Variants in SPOCK3 observed in about 807,000 individuals in gnomAD.
SPOCK3 encodes SPARC (osteonectin), cwcv and kazal like domains proteoglycan 3, also known as testican-3.
SPOCK3 carries 30 observed loss-of-function variants against 56.6 expected under a neutral mutation model. The observed-to-expected ratio is 0.53, with a 90% CI of 0.40 to 0.72. The LOEUF is 0.72. SPOCK3 is among the 30% of genes least tolerant of loss of function. The probability of loss-of-function intolerance (pLI) is 0.00; values close to 1 mark genes in which losing one functional copy is unlikely to be tolerated. For synonymous variants in SPOCK3, 196 were observed against 183.3 expected (o/e 1.07, Z -0.56); for missense variants, 527 against 530.0 (o/e 0.99, Z 0.06).
chr4:166,831,758 GT>G (rs1469505797), intron 6 of SPOCK3, among the ~76,000 whole-genome samples: 53 of 50,564 alleles, frequency 1.0e-3, no homozygotes, highest in Non-Finnish European at 1.8e-3. Context: ...CTCCATTTTT[GT>G]TTTTTTTTTT....
At chr4:166,978,204 C>G (rs1186482507) in intron 4 of SPOCK3, among the ~76,000 whole-genome samples, 2 of 152,132 alleles carry the variant, frequency 1.3e-5, no homozygotes, top group Non-Finnish European at 2.9e-5. Flanking sequence ...TCTTACTTCT[C>G]TTTCCAATTC....
At chr4:167,191,884 T>C (rs1732498482) in intron 2 of SPOCK3, among the ~76,000 whole-genome samples, 1 of 145,616 alleles carries the variant, frequency 6.9e-6, no homozygotes, top group Non-Finnish European at 1.5e-5. Context: ...ACCTTCAGTT[T>C]TCACCATTTA....
chr4:167,192,076 T>A (rs1244460688), intron 2 of SPOCK3, among the ~76,000 whole-genome samples: 1 of 146,084 alleles, frequency 6.8e-6, no homozygotes, highest in Non-Finnish European at 1.5e-5. Flanking sequence ...ATGTCATATA[T>A]CACACTTAAT....
chr4:166,968,103 A>C (rs1744943732), intron 4 of SPOCK3, among the ~76,000 whole-genome samples: 1 of 152,204 alleles, frequency 6.6e-6, no homozygotes, highest in Admixed American at 6.5e-5. Context: ...TCTAAGCAGC[A>C]AAGTGTTCAA....
chr4:167,019,691 A>C (rs745763064), intron 3 of SPOCK3, among the ~76,000 whole-genome samples: 1 of 152,100 alleles, frequency 6.6e-6, no homozygotes, highest in Non-Finnish European at 1.5e-5. Flanking sequence ...TTTATTTACC[A>C]AAAATTAAAA....
At chr4:167,016,857 T>G (rs938569706) in intron 3 of SPOCK3, among the ~76,000 whole-genome samples, 1 of 152,072 alleles carries the variant, frequency 6.6e-6, no homozygotes, top group African/African-American at 2.4e-5. Flanking sequence ...TTAATTACTT[T>G]GAGATGCAAA....
At chr4:167,103,289 G>A (rs1036323898) in intron 2 of SPOCK3, among the ~76,000 whole-genome samples, 1 of 152,124 alleles carries the variant, frequency 6.6e-6, no homozygotes, top group African/African-American at 2.4e-5. Flanking sequence ...AGAGCACCAA[G>A]TGGGCCCTTG....
intron 2 of SPOCK3, among the ~76,000 whole-genome samples, chr4:167,074,658 A>T (rs905987050): frequency 6.6e-6 from 1 of 151,970 alleles, no homozygotes; most frequent in Non-Finnish European, 1.5e-5. Context: ...GTGAGTCACT[A>T]GCCCAAATTT....
intron 3 of SPOCK3, among the ~76,000 whole-genome samples, chr4:167,048,048 G>T (rs1753879171): frequency 6.6e-6 from 1 of 152,092 alleles, no homozygotes; most frequent in Non-Finnish European, 1.5e-5. Context: ...GAAAAGAAAA[G>T]AAAATATGTT....
intron 6 of SPOCK3, among the ~76,000 whole-genome samples, chr4:166,796,308 T>G (rs10031976): frequency 0.12 from 18,713 of 152,116 alleles, 1,316 homozygotes; most frequent in African/African-American, 0.18. Flanking sequence ...AGTTGTTAAT[T>G]ATGATTATGT....
intron 4 of SPOCK3, 100 bp from the exon 5 acceptor site, chr4:166,912,843 G>T: frequency 2.1e-6 from 2 of 938,288 alleles, no homozygotes; most frequent in Admixed American, 3.5e-5. Flanking sequence ...AACTCCTGAA[G>T]ATACATTAGA....
At chr4:166,892,634 CA>C (rs1323152596) in intron 5 of SPOCK3, among the ~76,000 whole-genome samples, 1 of 151,894 alleles carries the variant, frequency 6.6e-6, no homozygotes, top group African/African-American at 2.4e-5. Flanking sequence ...ACTAAAATAT[CA>C]CATAAAGGGC....
chr4:167,028,980 G>A (rs549993128), intron 3 of SPOCK3, among the ~76,000 whole-genome samples: 1 of 152,028 alleles, frequency 6.6e-6, no homozygotes, highest in East Asian at 1.9e-4. Flanking sequence ...TGTTATATAG[G>A]TAAACGAGTG....
intron 7 of SPOCK3, among the ~76,000 whole-genome samples, chr4:166,775,505 A>G (rs1739426225): frequency 6.6e-6 from 1 of 152,232 alleles, no homozygotes; most frequent in African/African-American, 2.4e-5. Context: ...AGATTGGAAC[A>G]CAAAGTTAAA....
intron 6 of SPOCK3, among the ~76,000 whole-genome samples, chr4:166,810,095 C>T (rs760405081): frequency 2.6e-5 from 4 of 152,034 alleles, no homozygotes; most frequent in Admixed American, 6.6e-5. Context: ...TGCCAATATC[C>T]AATCCAGAGT....
intron 2 of SPOCK3, among the ~76,000 whole-genome samples, chr4:167,223,557 T>TAGCTGTATCA (rs1736285513): frequency 1.3e-5 from 2 of 151,934 alleles, no homozygotes; most frequent in Admixed American, 6.6e-5. Context: ...GAGAGAGCCC[T>TAGCTGTATCA]GACTGATACT....
Position 166,826,882 on chromosome 4 carries a change from A to G in SPOCK3, c.590-34593T>C, listed in dbSNP as rs572394169. On this transcript the variant is annotated intron_variant, in intron 6 of 10. Coordinates refer to ENST00000357545, the MANE Select transcript of SPOCK3 (RefSeq NM_001040159.2). ...AAGAGGGCAAATGGCCTGGACAGAG[A>G]ATCAGATTGTCCAGTCTTACTTGCC... is the stretch of plus-strand genomic sequence containing the variant. Among the ~76,000 whole-genome samples, 179 of 152,202 alleles carry G rather than the reference A, an allele frequency of 1.2e-3. 1 individual carries two copies. Among genetic ancestry groups the G allele is most frequent in the African/African-American group, 4.1e-3 (172 of 41,568 alleles).
chr4:166,783,359 A>G (rs1560852608), intron 7 of SPOCK3, among the ~76,000 whole-genome samples: 1 of 151,794 alleles, frequency 6.6e-6, no homozygotes, highest in Non-Finnish European at 1.5e-5. Flanking sequence ...AGTCTGTCTA[A>G]AAAAAAAGAA....
intron 2 of SPOCK3, among the ~76,000 whole-genome samples, chr4:167,153,048 G>C (rs1254796548): frequency 6.6e-6 from 1 of 152,010 alleles, no homozygotes; most frequent in Non-Finnish European, 1.5e-5. Flanking sequence ...CTCTTTAAAG[G>C]TGTTTAATTT....
Sources: gnomAD v4.1 joint callset for allele counts (sites outside exome capture counted in the v4.1 genomes callset) on GRCh38, gnomAD v4.1.1 for gene constraint, MANE v1.5 for transcripts, NCBI Gene and HGNC (gene_info 2026-07-23, HGNC 2026-07-21) for gene names.